Variants in CNTNAP2 observed in about 807,000 individuals in gnomAD.
CNTNAP2 encodes contactin associated protein 2, also known as contactin-associated protein-like 2.
Under a neutral mutation model 155.2 loss-of-function variants are expected in CNTNAP2, and 98 were observed. That is an observed-to-expected ratio of 0.63 (90% CI 0.54 to 0.75). The LOEUF (loss-of-function observed/expected upper bound fraction) is 0.75. CNTNAP2 is among the 30% of genes least tolerant of loss of function. The probability of loss-of-function intolerance (pLI) is 0.00; values close to 1 mark genes in which losing one functional copy is unlikely to be tolerated. For missense variants in CNTNAP2, 1,727 were observed against 1,688.1 expected, an observed-to-expected ratio of 1.02 and a Z score of -0.40; for synonymous variants, 651 against 631.2, an observed-to-expected ratio of 1.03 and a Z score of -0.47.
chr7:147,026,138 G>A lies in CNTNAP2; in HGVS notation c.403-17769G>A, dbSNP rs1584790712. On this transcript the variant is annotated intron_variant, in intron 3 of 23. Transcript: ENST00000361727. Reference sequence around the variant, plus strand: ...GCATCCCAAAGTGCTGGGTGCCACCGTGCCCAGCCTGACATCGTTTTTATG... The same window carrying A: ...GCATCCCAAAGTGCTGGGTGCCACCATGCCCAGCCTGACATCGTTTTTATG... 3.3e-5 allele frequency among the ~76,000 whole-genome samples: 5 copies of A among 152,160 alleles called. No homozygotes were observed. The South Asian group carries it at 8.3e-4, about 25-fold the overall frequency.
intron 13 of CNTNAP2, among the ~76,000 whole-genome samples, chr7:147,879,514 G>A (rs1480704395): frequency 6.6e-6 from 1 of 151,906 alleles, no homozygotes; most frequent in East Asian, 1.9e-4. Context: ...TTTTAAACAA[G>A]GGCAGGCACA....
chr7:146,509,336 T>A (rs115787295), intron 1 of CNTNAP2, among the ~76,000 whole-genome samples: 2,976 of 152,254 alleles, frequency 0.02, 104 homozygotes, highest in African/African-American at 0.068. Flanking sequence ...GAGGGAGGGA[T>A]GAGTCATAAT....
chr7:148,254,205 C>T (rs181127286), intron 20 of CNTNAP2, among the ~76,000 whole-genome samples: 145 of 152,174 alleles, frequency 9.5e-4, no homozygotes, highest in Non-Finnish European at 1.7e-3. Context: ...GGCAAGCAGA[C>T]GATGTGACAT....
rs138288708 is a variant in CNTNAP2, at chr7:148,111,722, C to T, written c.2384-6396C>T. On this transcript the variant is annotated intron_variant, in intron 15 of 23. Transcript: ENST00000361727. Reference sequence around the variant, plus strand: ...AAAATGTAGGTTGCATATAAGGCTTCGTAAACAGAAAGCAGTTGCTTTCCC... The same window carrying T: ...AAAATGTAGGTTGCATATAAGGCTTTGTAAACAGAAAGCAGTTGCTTTCCC... Among the ~76,000 whole-genome samples, 450 of 152,306 alleles carry T rather than the reference C, an allele frequency of 3.0e-3. 4 individuals are homozygous for T. The highest frequency in any genetic ancestry group is 9.7e-3 in the African/African-American group (403 of 41,574).
At chr7:146,416,681 T>C (rs1411087854) in intron 1 of CNTNAP2, among the ~76,000 whole-genome samples, 1 of 152,166 alleles carries the variant, frequency 6.6e-6, no homozygotes, top group Non-Finnish European at 1.5e-5. Context: ...CTTGGAGCTC[T>C]GTGGTTTTCC....
chr7:147,810,611 A>C (rs2116606274), intron 13 of CNTNAP2, among the ~76,000 whole-genome samples: 1 of 152,318 alleles, frequency 6.6e-6, no homozygotes, highest in African/African-American at 2.4e-5. Context: ...AAAGTTTAAT[A>C]TTAATTTTTA....
chr7:146,890,723 TC>T (rs1795757408), intron 3 of CNTNAP2, among the ~76,000 whole-genome samples: 1 of 152,214 alleles, frequency 6.6e-6, no homozygotes, highest in South Asian at 2.1e-4. Context: ...ATGCAAATTT[TC>T]TTTAGGCTTT....
At chr7:146,883,975 C>G (rs1795604624) in intron 3 of CNTNAP2, among the ~76,000 whole-genome samples, 1 of 151,992 alleles carries the variant, frequency 6.6e-6, no homozygotes, top group Non-Finnish European at 1.5e-5. Context: ...ATCTTGGTTA[C>G]TATTGATGTT....
intron 3 of CNTNAP2, among the ~76,000 whole-genome samples, chr7:146,872,780 A>G (rs1795340067): frequency 6.6e-6 from 1 of 152,198 alleles, no homozygotes; most frequent in South Asian, 2.1e-4. Flanking sequence ...TTCTTTCTAC[A>G]CTTAAATGAT....
intron 1 of CNTNAP2, among the ~76,000 whole-genome samples, chr7:146,161,075 C>T (rs1173186539): frequency 3.9e-5 from 6 of 152,150 alleles, no homozygotes; most frequent in South Asian, 2.1e-4. Context: ...CATAATCCAT[C>T]GTATAAACGG....
chr7:147,398,126 G>C (rs1796850225), intron 10 of CNTNAP2, among the ~76,000 whole-genome samples: 1 of 152,100 alleles, frequency 6.6e-6, no homozygotes, highest in Non-Finnish European at 1.5e-5. Context: ...CCACTGAAGA[G>C]TGTATTGATG....
chr7:147,841,265 T>C (rs1273532263), intron 13 of CNTNAP2, among the ~76,000 whole-genome samples: 1 of 152,222 alleles, frequency 6.6e-6, no homozygotes, highest in Non-Finnish European at 1.5e-5. Flanking sequence ...TGGATATTTT[T>C]TACAATCTGA....
chr7:147,526,483 T>A (rs1458542474), intron 11 of CNTNAP2, among the ~76,000 whole-genome samples: 1 of 152,150 alleles, frequency 6.6e-6, no homozygotes, highest in Non-Finnish European at 1.5e-5. Flanking sequence ...ATTAAATCAG[T>A]GAGAAGTAGC....
intron 1 of CNTNAP2, among the ~76,000 whole-genome samples, chr7:146,152,506 A>G (rs10428910): frequency 0.3 from 45,712 of 151,766 alleles, 7,940 homozygotes; most frequent in African/African-American, 0.48. Flanking sequence ...AATGTTGAGG[A>G]TGGATATAAG....
chr7:147,922,521 T>C (rs920343121), intron 14 of CNTNAP2, among the ~76,000 whole-genome samples: 17 of 152,210 alleles, frequency 1.1e-4, no homozygotes, highest in Non-Finnish European at 8.8e-5. Context: ...CTTACATCTA[T>C]AGGGCATGTG....
At position 147,950,364 on chromosome 7, in the gene CNTNAP2, C is replaced by CAAAAAAAA. The variant is rs386411606; in HGVS notation, c.2256-27476_2256-27469dup. ...AGCTTAAGCTATACACATAGAGAGG[C>CAAAAAAAA]AAAAAAAAAAAAAAAAAAAAAAAAA... On this transcript the variant is annotated intron_variant, in intron 14 of 23. Coordinates refer to ENST00000361727, the MANE Select transcript of CNTNAP2 (RefSeq NM_014141.6). Among the ~76,000 whole-genome samples, 22 of 55,782 alleles carry CAAAAAAAA rather than the reference C, an allele frequency of 3.9e-4. 1 individual carries two copies. Among genetic ancestry groups the CAAAAAAAA allele is most frequent in the African/African-American group, 1.8e-3 (18 of 10,156 alleles). The allele number at this position is 55,782 out of a possible 152,430, so 36.6% of individuals were successfully genotyped here.
chr7:147,450,132 C>T (rs1165016766), intron 10 of CNTNAP2, among the ~76,000 whole-genome samples: 2 of 152,102 alleles, frequency 1.3e-5, no homozygotes, highest in Non-Finnish European at 2.9e-5. Flanking sequence ...CCAAATCAGC[C>T]GAATGTAATC....
intron 1 of CNTNAP2, among the ~76,000 whole-genome samples, chr7:146,140,324 T>A (rs1424972153): frequency 6.6e-6 from 1 of 152,124 alleles, no homozygotes; most frequent in Non-Finnish European, 1.5e-5. Flanking sequence ...GTCTCAAGTT[T>A]CATCTGTCCA....
At chr7:146,527,883 A>G (rs1724176222) in intron 1 of CNTNAP2, among the ~76,000 whole-genome samples, 1 of 152,204 alleles carries the variant, frequency 6.6e-6, no homozygotes, top group South Asian at 2.1e-4. Flanking sequence ...ATTTAATGTG[A>G]CAATGTCCAG....
Sources: allele counts gnomAD v4.1 joint callset (sites outside exome capture counted in the v4.1 genomes callset), GRCh38; gene constraint gnomAD v4.1.1; transcripts MANE v1.5; gene names NCBI Gene and HGNC (gene_info 2026-07-23, HGNC 2026-07-21).